CDH13: variants seen among roughly 807,000 people sequenced by gnomAD.
CDH13 encodes cadherin 13, also known as cadherin-13.
In CDH13, 24 loss-of-function variants were observed where a neutral mutation model predicts 63.8. The ratio of observed to expected loss-of-function variants is 0.38; its 90% CI spans 0.27 to 0.53. CDH13 has a LOEUF of 0.53. Ranked by LOEUF, CDH13 falls within the 20% of genes least tolerant of loss-of-function variation. The pLI, the probability that CDH13 is intolerant of heterozygous loss-of-function variation, is 0.85. For synonymous variants in CDH13, 503 were observed against 355.3 expected, an observed-to-expected ratio of 1.42 and a Z score of -4.67; for missense variants, 1,049 against 903.1, an observed-to-expected ratio of 1.16 and a Z score of -2.07.
At chr16:83,438,889 A>G (rs1567673057) in intron 6 of CDH13, among the ~76,000 whole-genome samples, 1 of 152,366 alleles carries the variant, frequency 6.6e-6, no homozygotes, top group South Asian at 2.1e-4. Context: ...ACCTACAATA[A>G]CTATTGGGAA....
intron 5 of CDH13, among the ~76,000 whole-genome samples, chr16:83,227,384 C>A (rs947392736): frequency 6.6e-6 from 1 of 152,120 alleles, no homozygotes; most frequent in Non-Finnish European, 1.5e-5. Flanking sequence ...ATCAGGGGGC[C>A]CTTGTGAAGC....
At chr16:83,302,572 C>G (rs1456034051) in intron 5 of CDH13, among the ~76,000 whole-genome samples, 1 of 152,156 alleles carries the variant, frequency 6.6e-6, no homozygotes, top group Non-Finnish European at 1.5e-5. Context: ...AGCTATTCAA[C>G]AAAGTCAATT....
At chr16:83,230,868 G>A (rs1014466041) in intron 5 of CDH13, among the ~76,000 whole-genome samples, 2 of 152,222 alleles carry the variant, frequency 1.3e-5, no homozygotes, top group South Asian at 2.1e-4. Flanking sequence ...TTTTGGGTCA[G>A]CCCAGGAAAT....
intron 6 of CDH13, among the ~76,000 whole-genome samples, chr16:83,442,759 G>A (rs1393548037): frequency 6.6e-6 from 1 of 152,212 alleles, no homozygotes; most frequent in Admixed American, 6.5e-5. Flanking sequence ...TTAATACTCT[G>A]CCAGAAAGGC....
At chr16:82,634,127 G>A (rs557933573) in intron 1 of CDH13, among the ~76,000 whole-genome samples, 9 of 152,350 alleles carry the variant, frequency 5.9e-5, no homozygotes, top group East Asian at 3.9e-4. Flanking sequence ...GGGCTGGGGC[G>A]GAGGGCAGCA....
chr16:83,342,656 T>C (rs911518031), intron 5 of CDH13, among the ~76,000 whole-genome samples: 5 of 152,160 alleles, frequency 3.3e-5, no homozygotes, highest in African/African-American at 1.2e-4. Flanking sequence ...TTTCTTTCCA[T>C]TGTGTTAAGA....
chr16:82,806,285 C>G (rs905319685), intron 1 of CDH13, among the ~76,000 whole-genome samples: 2 of 152,156 alleles, frequency 1.3e-5, no homozygotes, highest in Admixed American at 6.6e-5. Flanking sequence ...TATTTGTCTC[C>G]TCTTCTTTCC....
At chr16:82,902,851 T>C (rs546063688) in intron 2 of CDH13, among the ~76,000 whole-genome samples, 19 of 152,248 alleles carry the variant, frequency 1.2e-4, no homozygotes, top group Non-Finnish European at 2.2e-4. Context: ...GTTCATCCAA[T>C]ATAAACTGCC....
chr16:82,767,849 C>T (rs1567514154), intron 1 of CDH13, among the ~76,000 whole-genome samples: 1 of 152,208 alleles, frequency 6.6e-6, no homozygotes, highest in Admixed American at 6.5e-5. Flanking sequence ...AGCACTGGCA[C>T]TGAGGGTCCA....
Position 83,748,229 on chromosome 16 carries a change from C to T in CDH13, c.1660C>T (p.Leu554Phe). The T allele has an allele frequency of 1.2e-6, 2 of 1,610,864 alleles. No homozygotes were observed. Among genetic ancestry groups the T allele is most frequent in the Non-Finnish European group, 1.7e-6 (2 of 1,177,424 alleles). Residue 554 changes from leucine to phenylalanine, a missense_variant, in exon 11 of 14, where the codon CTC becomes TTC. Transcript: ENST00000567109. Reference sequence around the variant, plus strand: ...TGTCGACAACAGCGTGTACACTGCTCTCTTCCTGGCAATTGACAGTGGTGA... The same window carrying T: ...TGTCGACAACAGCGTGTACACTGCTTTCTTCCTGGCAATTGACAGTGGTGA... ...PFVDNSVYTA[L>F]FLAIDSGNPP...
chr16:83,488,066 G>C (rs964732871), intron 7 of CDH13, among the ~76,000 whole-genome samples: 1 of 152,186 alleles, frequency 6.6e-6, no homozygotes, highest in African/African-American at 2.4e-5. Context: ...TTGTCCAGTA[G>C]AGTAACCACT....
chr16:82,667,445 C>A (rs1049445458), intron 1 of CDH13, among the ~76,000 whole-genome samples: 1 of 152,170 alleles, frequency 6.6e-6, no homozygotes, highest in Non-Finnish European at 1.5e-5. Context: ...TGAAATAATT[C>A]CTCCACTCAT....
chr16:83,030,835 C>G (rs1306242914), intron 2 of CDH13, among the ~76,000 whole-genome samples: 2 of 151,812 alleles, frequency 1.3e-5, no homozygotes, highest in East Asian at 2.0e-4. Flanking sequence ...CATTTTCAGC[C>G]TCATTTCCAC....
intron 1 of CDH13, among the ~76,000 whole-genome samples, chr16:82,754,220 C>G (rs1389313337): frequency 6.6e-6 from 1 of 152,164 alleles, no homozygotes; most frequent in African/African-American, 2.4e-5. Context: ...CCTTTCATGT[C>G]TATTTCTGCC....
intron 8 of CDH13, among the ~76,000 whole-genome samples, chr16:83,647,927 C>T (rs192548357): frequency 2.6e-5 from 4 of 152,262 alleles, no homozygotes; most frequent in Admixed American, 6.5e-5. Context: ...TATAAGCACA[C>T]ATGCAAGATG....
At chr16:82,864,501 G>A (rs1374469175) in intron 2 of CDH13, among the ~76,000 whole-genome samples, 1 of 152,088 alleles carries the variant, frequency 6.6e-6, no homozygotes, top group Non-Finnish European at 1.5e-5. Context: ...GTGGCAGGAA[G>A]GAGAAGTGCT....
At chr16:83,747,176 C>A (rs10781973) in intron 10 of CDH13, among the ~76,000 whole-genome samples, 58,490 of 152,126 alleles carry the variant, frequency 0.38, 12,901 homozygotes, top group Non-Finnish European at 0.49. Flanking sequence ...CCTCGCGTAA[C>A]CTACATCCTA....
At chr16:82,897,666 C>T (rs1049925012) in intron 2 of CDH13, among the ~76,000 whole-genome samples, 1 of 152,224 alleles carries the variant, frequency 6.6e-6, no homozygotes, top group African/African-American at 2.4e-5. Flanking sequence ...AAAGCCCATA[C>T]CCTTAGCTAT....
intron 2 of CDH13, among the ~76,000 whole-genome samples, chr16:82,912,532 A>G (rs768044749): frequency 3.7e-4 from 57 of 152,224 alleles, no homozygotes; most frequent in Non-Finnish European, 6.8e-4. Flanking sequence ...AGTGATGACT[A>G]TGACAGGTGG....
Sources: gnomAD v4.1 joint callset for allele counts (sites outside exome capture counted in the v4.1 genomes callset) on GRCh38, gnomAD v4.1.1 for gene constraint, MANE v1.5 for transcripts, NCBI Gene and HGNC (gene_info 2026-07-23, HGNC 2026-07-21) for gene names.